GIGYF1: variants seen among roughly 807,000 people sequenced by gnomAD.
GIGYF1 encodes GRB10-interacting GYF protein 1.
In GIGYF1, 84 loss-of-function variants were observed where a neutral mutation model predicts 147.1. The observed-to-expected ratio is 0.57, with a 90% confidence interval of 0.48 to 0.68. GIGYF1 has a LOEUF of 0.68. Ranked by LOEUF, GIGYF1 falls within the 30% of genes least tolerant of loss-of-function variation. The pLI, the probability that GIGYF1 is intolerant of heterozygous loss-of-function variation, is 0.00. For synonymous variants in GIGYF1, 752 were observed against 589.5 expected (o/e 1.28, Z -3.99); for missense variants, 1,485 against 1,393.7 (o/e 1.07, Z -1.04).
rs754929045 is a variant in GIGYF1 at position 100,686,769 on chromosome 7, G to C, written c.574C>G (p.Arg192Gly). ...GAGCGCCAGTTCTCGCTGTCTGAGC[G>C]GGCGTGCTCCTTCCTTGGGCCAGCC... ...GGAGPRKEHA[R>G]SDSENWRSLR... is the part of the protein sequence containing the mutation. Residue 192 changes from arginine (R) to glycine (G), a missense_variant, in exon 10 of 27, where the codon CGC becomes GGC. Arg to Gly is a moderately radical substitution (Grantham distance 125). Coordinates refer to ENST00000678049, the MANE Select transcript of GIGYF1 (RefSeq NM_001375765.1). 9 of 1,613,906 alleles carry C rather than the reference G, an allele frequency of 5.6e-6. 1 individual carries two copies. The highest frequency in any genetic ancestry group is 3.3e-5 in the South Asian group (3 of 91,090).
intron 12 of GIGYF1, 63 bp downstream of exon 12, chr7:100,685,911 C>A: frequency 7.1e-7 from 1 of 1,406,910 alleles, no homozygotes; most frequent in Non-Finnish European, 9.9e-7. Flanking sequence ...ATGCCCAGCC[C>A]GGCAAAGAAC....
intron 23 of GIGYF1, 25 bp downstream of exon 23, chr7:100,682,565 C>A: frequency 6.3e-7 from 1 of 1,591,108 alleles, no homozygotes; most frequent in East Asian, 2.2e-5. Context: ...AGGGCCATCC[C>A]GGAGCCTCCA....
In GIGYF1 at chr7:100,686,364, C is replaced by A. The variant is rs141450038; in HGVS notation, c.764G>T (p.Arg255Leu). Residue 255 changes from arginine to leucine, a missense_variant, in exon 11 of 27, where the codon CGA becomes CTA. Transcript: ENST00000678049. ...ERRRKFEFDL[R>L]GDRGGCGEEE... ...TTCACCACACCCTCCTCGATCCCCT[C>A]GCAAATCAAATTCAAACTTGCGCCG... The A allele has an allele frequency of 2.5e-6, 4 of 1,612,780 alleles. No homozygotes were observed. The highest frequency in any genetic ancestry group is 1.3e-5 in the African/African-American group (1 of 74,964).
At position 100,684,000 on chromosome 7, in the gene GIGYF1, G is replaced by A. The variant is rs745840390; in HGVS notation, c.1868+20C>T. The A allele has an allele frequency of 1.3e-6, 2 of 1,598,210 alleles. No homozygotes were observed. Among genetic ancestry groups the A allele is most frequent in the South Asian group, 2.2e-5 (2 of 89,412 alleles). The stretch of plus-strand genomic sequence containing the variant: ...TCCCCCCCCCACCCTGTATCCTGAG[G>A]GCTCGCACGCACCACGCACCTGGGG... On this transcript the variant is annotated intron_variant, in intron 18 of 26. Coordinates refer to ENST00000678049, the MANE Select transcript of GIGYF1 (RefSeq NM_001375765.1).
At chr7:100,686,509 G>A (rs1805356621) in intron 10 of GIGYF1, 76 bp from the exon 11 acceptor site, 3 of 1,522,374 alleles carry the variant, frequency 2.0e-6, no homozygotes, top group Non-Finnish European at 2.6e-6. Flanking sequence ...GCAGCTCACG[G>A]AGCACCTCCA....
intron 1 of GIGYF1, chr7:100,693,866 C>A (rs1035417353): frequency 3.3e-5 from 5 of 151,566 alleles, no homozygotes; most frequent in African/African-American, 1.2e-4. Flanking sequence ...CTCCCCGAGG[C>A]TGGCCGGCTC....
rs775273427 is a variant in GIGYF1 at position 100,681,816 on chromosome 7, T to G, written c.3056-45A>C. ...GCGTCTGAGCTCTCTCCTGGGCTCC[T>G]CCTGCCCTGTGCCAAGGAAGTCCCG... On this transcript the variant is annotated intron_variant, in intron 26 of 26. Transcript: ENST00000678049. 4 of 1,605,660 alleles carry G rather than the reference T, an allele frequency of 2.5e-6. No homozygotes were observed. The East Asian group carries it at 6.7e-5, about 27-fold the overall frequency.
rs763882316 is a variant in GIGYF1 at position 100,681,877 on chromosome 7, G to A, written c.3042C>T (p.Asp1014=). The change falls in exon 26 of 27, where the codon GAC becomes GAT. Residue 1014 remains aspartate, a synonymous_variant. Coordinates refer to ENST00000678049, the MANE Select transcript of GIGYF1 (RefSeq NM_001375765.1). ...AGCCCAGCTCACCCAGGATGCTGGG[G>A]TCTGAGTGCAGCATCAGTGCCCGCC... is the stretch of plus-strand genomic sequence containing the variant. ...AKRRALMLHS[D]PSILGYSLHG... The A allele has an allele frequency of 1.9e-6, 3 of 1,612,528 alleles. No individual in the cohort carries two copies.
chr7:100,682,425 C>T lies in GIGYF1; in HGVS notation c.2658G>A (p.Glu886=), dbSNP rs1804870444. ...TGCCCTGCAGCAGCTTCAGCAGCTT[C>T]TCTTCTTCCTCCGTCTTTTTGCGAA... ...RPIRKKTEEE[E]KLLKLLQGIP... Residue 886 remains glutamate (E), a synonymous_variant, in exon 24 of 27, where the codon GAG becomes GAA. Coordinates refer to ENST00000678049, the MANE Select transcript of GIGYF1 (RefSeq NM_001375765.1). 4.3e-6 allele frequency: 7 copies of T among 1,613,564 alleles called. No individual in the cohort carries two copies. Among genetic ancestry groups the T allele is most frequent in the East Asian group, 2.2e-5 (1 of 44,886 alleles).
In GIGYF1 at chr7:100,687,967, G is replaced by A. The variant is rs374149620; in HGVS notation, c.165+14C>T. The A allele has an allele frequency of 5.6e-6, 9 of 1,608,968 alleles. No individual in the cohort carries two copies. Among genetic ancestry groups the A allele is most frequent in the South Asian group, 1.1e-5 (1 of 90,796 alleles). On this transcript the variant is annotated intron_variant, in intron 5 of 26. Transcript: ENST00000678049. ...GAGGCCACCACCGCCAACCCCCCTCGCCCACGCACCCACCTTGTTCTCCTT... is the reference window on the plus strand; with the variant it reads ...GAGGCCACCACCGCCAACCCCCCTCACCCACGCACCCACCTTGTTCTCCTT...
chr7:100,684,168 G>A lies in GIGYF1; in HGVS notation c.1731-11C>T, dbSNP rs867399192. On this transcript the variant is annotated splice_polypyrimidine_tract_variant and intron_variant, in intron 17 of 26. Transcript: ENST00000678049. ...TGTGGGAGCTGGCGGCTGCAAATGG[G>A]ACAGTGGAGATGGTGGGCCACAGAG... 25 of 1,609,106 alleles carry A rather than the reference G, an allele frequency of 1.6e-5. No individual in the cohort carries two copies. The highest frequency in any genetic ancestry group is 3.4e-4 in the Middle Eastern group (2 of 5,952).
Position 100,683,175 on chromosome 7 carries a change from A to G in GIGYF1, c.2249T>C (p.Val750Ala), listed in dbSNP as rs943948097. ...GGGCGGGGAGCTGGGTGCGGGGGGCACAGGGACCGCCTGCTGCTGCTGTAG... is the reference window on the plus strand; with the variant it reads ...GGGCGGGGAGCTGGGTGCGGGGGGCGCAGGGACCGCCTGCTGCTGCTGTAG... ...KLLQQQQAVPVPPAPSSPPPL... is the reference protein window; with the variant it reads ...KLLQQQQAVPAPPAPSSPPPL... Residue 750 changes from valine (V) to alanine (A), a missense_variant, in exon 22 of 27, where the codon GTG (valine) becomes GCG (alanine). By Grantham distance (64) the Val-to-Ala change is moderately conservative. Transcript: ENST00000678049. The G allele has an allele frequency of 3.1e-6, 5 of 1,605,312 alleles. No individual in the cohort carries two copies. The highest frequency in any genetic ancestry group is 3.4e-6 in the Non-Finnish European group (4 of 1,179,108).
At position 100,684,775 on chromosome 7, in the gene GIGYF1, G is replaced by A; in HGVS notation, c.1410C>T (p.Ser470=). 6.2e-7 allele frequency: 1 copy of A among 1,612,454 alleles called. No homozygotes were observed. The highest frequency in any genetic ancestry group is 1.3e-5 in the African/African-American group (1 of 75,048). Residue 470 remains serine (S), a synonymous_variant, in exon 15 of 27, where the codon AGC becomes AGT. Coordinates refer to ENST00000678049, the MANE Select transcript of GIGYF1 (RefSeq NM_001375765.1). ...AGAACCACTTCCGGGCAGCCCCATGGCTGAGCGGGAGGGCAGTGGCGGCTG... is the reference window on the plus strand; with the variant it reads ...AGAACCACTTCCGGGCAGCCCCATGACTGAGCGGGAGGGCAGTGGCGGCTG... ...HSAAATALPL[S]HGAARKWFYK...
In GIGYF1 at chr7:100,680,806, G is replaced by T. The variant is rs1383010472; in HGVS notation, c.*913C>A. On this transcript the variant is annotated 3_prime_UTR_variant, in exon 27 of 27. Transcript: ENST00000678049. Reference sequence around the variant, plus strand: ...TCACAGGGGTGAGGCAGCTCAGGCAGGGGTGAGGCGGGGGCTTGTGGCCCA... The same window carrying T: ...TCACAGGGGTGAGGCAGCTCAGGCATGGGTGAGGCGGGGGCTTGTGGCCCA... 6.5e-6 allele frequency: 1 copy of T among 152,830 alleles called. No individual in the cohort carries two copies. Among genetic ancestry groups the T allele is most frequent in the Non-Finnish European group, 1.5e-5 (1 of 68,162 alleles). 9.5% of individuals were successfully genotyped at this position (152,830 alleles called of 1,614,324 possible).
In GIGYF1 at chr7:100,685,329, A is replaced by T. The variant is rs753290014; in HGVS notation, c.1192+15T>A. ...CCCCAGCGCACCCGGGAGGTAGGCC[A>T]TCCTCCCTTCCTACCTTCGGCCGCT... On this transcript the variant is annotated intron_variant, in intron 13 of 26. Coordinates refer to ENST00000678049, the MANE Select transcript of GIGYF1 (RefSeq NM_001375765.1). 3 of 1,583,950 alleles carry T rather than the reference A, an allele frequency of 1.9e-6. No homozygotes were observed. Among genetic ancestry groups the T allele is most frequent in the Non-Finnish European group, 2.6e-6 (3 of 1,168,550 alleles).
rs533157073 is a variant in GIGYF1, at chr7:100,684,165, T to C, written c.1731-8A>G. The C allele has an allele frequency of 2.2e-5, 35 of 1,608,662 alleles. No homozygotes were observed. In the East Asian group the frequency reaches 6.7e-4, roughly 31 times the overall value. On this transcript the variant is annotated splice_polypyrimidine_tract_variant and splice_region_variant and intron_variant, in intron 17 of 26. Coordinates refer to ENST00000678049, the MANE Select transcript of GIGYF1 (RefSeq NM_001375765.1). The stretch of plus-strand genomic sequence containing the variant: ...CACTGTGGGAGCTGGCGGCTGCAAA[T>C]GGGACAGTGGAGATGGTGGGCCACA...
At chr7:100,682,990 G>A (rs770860493) in intron 22 of GIGYF1, 22 bp downstream of exon 22, 37 of 1,472,426 alleles carry the variant, frequency 2.5e-5, no homozygotes, top group Non-Finnish European at 3.1e-5. Flanking sequence ...GGGGGAGCCC[G>A]GGAGGTTCCC....
rs1190850737 is a variant in GIGYF1 at position 100,683,343 on chromosome 7, C to T, written c.2154G>A (p.Lys718=). ...KRRQQQQEEQ[K]RRQEEEELFR... ...ACAGCTCTTCCTCCTCCTGCCGCCG[C>T]TTCTGCTCCTCCTGCTGCTGCTGGC... is the stretch of plus-strand genomic sequence containing the variant. The change falls in exon 21 of 27, where the codon AAG becomes AAA. Residue 718 remains lysine, a synonymous_variant. Coordinates refer to ENST00000678049, the MANE Select transcript of GIGYF1 (RefSeq NM_001375765.1). The T allele has an allele frequency of 6.2e-7, 1 of 1,613,778 alleles. No individual in the cohort carries two copies. The highest frequency in any genetic ancestry group is 1.3e-5 in the African/African-American group (1 of 74,946).
At chr7:100,686,111 A>G in intron 11 of GIGYF1, 32 bp from the exon 12 acceptor site, 1 of 1,523,594 alleles carries the variant, frequency 6.6e-7, no homozygotes, top group Non-Finnish European at 9.0e-7. Context: ...AGCAGAGAAC[A>G]GCTGGGGTGG....
Sources: gnomAD v4.1 joint callset for allele counts on GRCh38, gnomAD v4.1.1 for gene constraint, MANE v1.5 for transcripts, NCBI Gene and HGNC (gene_info 2026-07-23, HGNC 2026-07-21) for gene names.